Variants in PPFIBP2 observed in about 807,000 individuals in gnomAD.
The protein encoded by PPFIBP2 is liprin-beta-2.
PPFIBP2 carries 118 observed loss-of-function variants against 118.3 expected under a neutral mutation model. The ratio of observed to expected loss-of-function variants is 1.00; its 90% CI spans 0.86 to 1.16. PPFIBP2 has a LOEUF of 1.16. Ranked by LOEUF, PPFIBP2 falls within the 50% of genes most tolerant of loss-of-function variation. The pLI is 0.00. For missense variants in PPFIBP2, 1,195 were observed against 1,073.1 expected (o/e 1.11, Z -1.59); for synonymous variants, 414 against 397.4 (o/e 1.04, Z -0.50).
At chr11:7,614,681 A>G (rs1240143666) in intron 6 of PPFIBP2, among the ~76,000 whole-genome samples, 3 of 152,224 alleles carry the variant, frequency 2.0e-5, no homozygotes, top group African/African-American at 7.2e-5. Flanking sequence ...TCTCTAGAAC[A>G]TAGAGGTTAT....
chr11:7,665,929 C>A, the PPFIBP2 span: 14 of 1,535,766 alleles, frequency 9.1e-6, no homozygotes, highest in African/African-American at 1.5e-4. Context: ...CGCCCTCTGC[C>A]GACCAGGGAC....
At chr11:7,533,533 T>C (rs1006347625) in intron 1 of PPFIBP2, among the ~76,000 whole-genome samples, 2 of 152,184 alleles carry the variant, frequency 1.3e-5, no homozygotes, top group Non-Finnish European at 2.9e-5. Flanking sequence ...TAATACAAAT[T>C]ATTATCATCT....
chr11:7,517,706 A>C (rs1202031135), intron 1 of PPFIBP2, among the ~76,000 whole-genome samples: 1 of 152,158 alleles, frequency 6.6e-6, no homozygotes, highest in African/African-American at 2.4e-5. Context: ...GTGGGTCCTG[A>C]AAAATTAGGT....
chr11:7,587,033 A>C (rs1271830400), intron 3 of PPFIBP2, among the ~76,000 whole-genome samples: 2 of 152,038 alleles, frequency 1.3e-5, no homozygotes, highest in Admixed American at 1.3e-4. Context: ...TTACTTTTTC[A>C]TATCACACAT....
At chr11:7,628,459 A>G in intron 9 of PPFIBP2, 113 bp downstream of exon 9, 3 of 985,450 alleles carry the variant, frequency 3.0e-6, no homozygotes, top group Non-Finnish European at 4.6e-6. Flanking sequence ...TGCCATTGAC[A>G]TAGGGATATG....
intron 7 of PPFIBP2, among the ~76,000 whole-genome samples, chr11:7,624,442 C>T (rs1312196964): frequency 6.6e-6 from 1 of 152,204 alleles, no homozygotes. Context: ...AAGGCCTGTC[C>T]AGCAACAGAG....
At chr11:7,606,141 G>C (rs965326531) in intron 5 of PPFIBP2, 1 of 1,145,852 alleles carries the variant, frequency 8.7e-7, no homozygotes, top group Admixed American at 3.4e-5. Context: ...GCAGATGGTC[G>C]GGGGGCAAAA....
In PPFIBP2 at chr11:7,616,817, T is replaced by C. The variant is rs1848708820; in HGVS notation, c.619-4118T>C. On this transcript the variant is annotated intron_variant, in intron 6 of 23. Transcript: ENST00000299492. The surrounding 1 kb of genome is among the most constrained non-coding windows in gnomAD (Gnocchi z 5.2). Reference sequence around the variant, plus strand: ...ATCTCTGCTATTGCTTCTGCTTGGATGAAGAGTTTCTTCTAGACTCCATGC... The same window carrying C: ...ATCTCTGCTATTGCTTCTGCTTGGACGAAGAGTTTCTTCTAGACTCCATGC... Among the ~76,000 whole-genome samples the C allele has an allele frequency of 6.6e-6, 1 of 151,858 alleles. No homozygotes were observed. The highest frequency in any genetic ancestry group is 2.1e-4 in the South Asian group (1 of 4,810).
At chr11:7,657,748 A>G (rs956304908), downstream of PPFIBP2, among the ~76,000 whole-genome samples, 6 of 152,194 alleles carry the variant, frequency 3.9e-5, no homozygotes, top group Non-Finnish European at 8.8e-5. Flanking sequence ...CAAAGAGACC[A>G]TCTCTCAGGA....
intron 1 of PPFIBP2, among the ~76,000 whole-genome samples, chr11:7,549,090 C>T (rs770161490): frequency 7.2e-5 from 11 of 152,334 alleles, no homozygotes; most frequent in South Asian, 2.1e-4. Flanking sequence ...TGCTCTCCTA[C>T]GCCACTTAGT....
At chr11:7,580,504 A>G (rs535226818) in intron 3 of PPFIBP2, among the ~76,000 whole-genome samples, 86 of 152,302 alleles carry the variant, frequency 5.6e-4, no homozygotes, top group African/African-American at 2.0e-3. Context: ...GTCTCAGGGC[A>G]AAGGGGAGAT....
At chr11:7,666,746 T>C in the PPFIBP2 span, 135 of 484,324 alleles carry the variant, frequency 2.8e-4, no homozygotes, top group Non-Finnish European at 4.2e-4. Context: ...ATGAAGTTCC[T>C]CCATGTGGAT....
intron 13 of PPFIBP2, 78 bp downstream of exon 13, chr11:7,634,630 G>T (rs1851217337): frequency 9.1e-7 from 1 of 1,098,490 alleles, no homozygotes; most frequent in South Asian, 1.3e-5. Context: ...ATACAGGCAG[G>T]TCCTGGTCCC....
intron 5 of PPFIBP2, among the ~76,000 whole-genome samples, chr11:7,609,851 T>C (rs898645466): frequency 6.6e-6 from 1 of 152,190 alleles, no homozygotes; most frequent in Admixed American, 6.5e-5. Flanking sequence ...TTGGAACATG[T>C]TGAAAACTGG....
At chr11:7,571,539 C>T (rs370662319) in intron 3 of PPFIBP2, among the ~76,000 whole-genome samples, 77 of 152,162 alleles carry the variant, frequency 5.1e-4, no homozygotes, top group South Asian at 4.2e-3. Context: ...AGTCAGGATA[C>T]GTGTGTGTTG....
intron 16 of PPFIBP2, chr11:7,641,854 C>T: frequency 3.6e-6 from 2 of 552,082 alleles, no homozygotes; most frequent in Non-Finnish European, 6.4e-6. Context: ...TAAGCACCCA[C>T]CCATTCCACA....
intron 1 of PPFIBP2, among the ~76,000 whole-genome samples, chr11:7,524,260 T>C (rs1314696114): frequency 6.6e-6 from 1 of 152,120 alleles, no homozygotes; most frequent in African/African-American, 2.4e-5. Context: ...TACCTCTTTC[T>C]TGCCTGCTTA....
intron 17 of PPFIBP2, 106 bp downstream of exon 17, chr11:7,642,532 T>G: frequency 1.0e-5 from 13 of 1,294,844 alleles, no homozygotes; most frequent in Non-Finnish European, 1.3e-5. Flanking sequence ...CGGAAACCCC[T>G]TTCCATATTC....
intron 5 of PPFIBP2, among the ~76,000 whole-genome samples, chr11:7,606,670 G>A (rs1844769617): frequency 6.6e-6 from 1 of 152,130 alleles, no homozygotes; most frequent in African/African-American, 2.4e-5. Context: ...ACACTGGCAT[G>A]ACCAATTGGA....
Sources: allele counts gnomAD v4.1 joint callset (sites outside exome capture counted in the v4.1 genomes callset), GRCh38; gene constraint gnomAD v4.1.1; non-coding constraint Gnocchi (gnomAD v3.1); transcripts MANE v1.5; gene names NCBI Gene and HGNC (gene_info 2026-07-23, HGNC 2026-07-21).